Variants in MED12 observed in about 807,000 individuals in gnomAD.
MED12 encodes mediator complex subunit 12.
Under a neutral mutation model 177.7 loss-of-function variants are expected in MED12, and 10 were observed. The observed-to-expected ratio is 0.06, with a 90% CI of 0.03 to 0.10. The LOEUF (loss-of-function observed/expected upper bound fraction) is 0.10. Among genes scored for constraint, MED12 ranks in the 10% least tolerant of loss-of-function variants. The pLI, the probability that MED12 is intolerant of heterozygous loss-of-function variation, is 1.00. For missense variants in MED12, 867 were observed against 1,780.8 expected (o/e 0.49, Z 9.23); for synonymous variants, 641 against 678.4 (o/e 0.94, Z 0.86).
chrX:71,131,125 C>CTT (rs754896365), intron 28 of MED12, among the ~76,000 whole-genome samples: 2,084 of 80,144 alleles, frequency 0.026, 119 homozygotes, highest in African/African-American at 0.091. Context: ...TAAATGTAGT[C>CTT]TTTTTTTTTT....
At chrX:71,123,828 C>G (rs2092295995) in intron 12 of MED12, 108 bp downstream of exon 12, 12 of 867,856 alleles carry the variant, frequency 1.4e-5, no homozygotes, top group Non-Finnish European at 2.0e-5. Flanking sequence ...CTCTCTTGGG[C>G]TCTATGCAGA....
chrX:71,133,544 G>A (rs1475225286), intron 33 of MED12, among the ~76,000 whole-genome samples: 1 of 110,453 alleles, frequency 9.1e-6, no homozygotes, highest in Non-Finnish European at 1.9e-5. Context: ...ATGCTGGTCA[G>A]GCTGGTCTTG....
At chrX:71,134,896 G>C in intron 35 of MED12, 48 bp downstream of exon 35, 1 of 1,207,103 alleles carries the variant, frequency 8.3e-7, no homozygotes, top group Non-Finnish European at 1.1e-6. Flanking sequence ...GGAATCTGCT[G>C]TCCAGCCTCA....
chrX:71,132,059 T>G lies in MED12; in HGVS notation c.4120-14T>G. ...TACCTATTTTAGCACTTCTGTGCCTTTCATCCTCCCCAGGAGATGAACTCC... is the reference window on the plus strand; with the variant it reads ...TACCTATTTTAGCACTTCTGTGCCTGTCATCCTCCCCAGGAGATGAACTCC... On this transcript the variant is annotated splice_polypyrimidine_tract_variant and intron_variant, in intron 29 of 44. Transcript: ENST00000374080. The G allele has an allele frequency of 8.3e-7, 1 of 1,209,194 alleles. No individual in the cohort carries two copies. Among genetic ancestry groups the G allele is most frequent in the Non-Finnish European group, 1.1e-6 (1 of 893,204 alleles).
chrX:71,130,980 G>A (rs2092315361), intron 28 of MED12, among the ~76,000 whole-genome samples: 1 of 112,217 alleles, frequency 8.9e-6, no homozygotes, highest in Admixed American at 9.4e-5. Flanking sequence ...AGAGAAGCAG[G>A]CTTCAACTTT....
chrX:71,124,532 A>G lies in MED12; in HGVS notation c.1974+144A>G, dbSNP rs921093834. On this transcript the variant is annotated intron_variant, in intron 13 of 44. Coordinates refer to ENST00000374080, the MANE Select transcript of MED12 (RefSeq NM_005120.3). The stretch of plus-strand genomic sequence containing the variant: ...TTGGTGATTGACCAAGCACTCTCAC[A>G]TCAATTGTTTCATTGGTTCCTCCCA... The G allele has an allele frequency of 1.5e-5, 8 of 527,944 alleles. No individual in the cohort carries two copies. The East Asian group carries it at 2.2e-4, about 14-fold the overall frequency. The allele number at this position is 527,944 out of a possible 1,213,427, so 43.5% of individuals were successfully genotyped here. A position where few individuals can be genotyped will look rare whatever the true frequency, so the allele number is the denominator to read the frequency against.
chrX:71,126,535 C>T (rs2092303730), intron 19 of MED12, 51 bp downstream of exon 19: 1 of 1,190,485 alleles, frequency 8.4e-7, no homozygotes, highest in East Asian at 3.0e-5. Context: ...TGCCATATAG[C>T]GGCTACGGAG....
At position 71,133,168 on chromosome X, in the gene MED12, C is replaced by CCAAAGCATG. The variant is rs1482296163; in HGVS notation, c.4580_4581insTGCAAAGCA (p.Lys1526_Gln1527insHisAlaLys). 1 of 1,207,668 alleles carries CCAAAGCATG rather than the reference C, an allele frequency of 8.3e-7. No individual in the cohort carries two copies. The highest frequency in any genetic ancestry group is 1.1e-6 in the Non-Finnish European group (1 of 892,109). On this transcript the variant is annotated inframe_insertion, in exon 33 of 45. Transcript: ENST00000374080. ...TGACCAGTACTTAGATGATTGCAAA[C>CCAAAGCATG]CAAAGCAGCTTATGCATGAGGCACT...
At position 71,120,188 on chromosome X, in the gene MED12, C is replaced by T; in HGVS notation, c.553+18C>T. The T allele has an allele frequency of 8.3e-7, 1 of 1,203,905 alleles. No individual in the cohort carries two copies. The highest frequency in any genetic ancestry group is 1.1e-6 in the Non-Finnish European group (1 of 888,921). On this transcript the variant is annotated intron_variant, in intron 4 of 44. Coordinates refer to ENST00000374080, the MANE Select transcript of MED12 (RefSeq NM_005120.3). The stretch of plus-strand genomic sequence containing the variant: ...TTTCATGGGTGAGTAACTCCTAACA[C>T]CAGGTGTACTGCTGATGGCTTCAAG...
Position 71,119,891 on chromosome X carries a change from T to C in MED12, c.396+14T>C. The stretch of plus-strand genomic sequence containing the variant: ...CTAGCCAAAAAGGTAAGGTACTGTT[T>C]CCTGTCCTTCAGGCCAAGGAGGGAG... On this transcript the variant is annotated intron_variant, in intron 3 of 44. Transcript: ENST00000374080. 8.3e-7 allele frequency: 1 copy of C among 1,210,913 alleles called. No individual in the cohort carries two copies. Among genetic ancestry groups the C allele is most frequent in the Non-Finnish European group, 1.1e-6 (1 of 894,847 alleles).
chrX:71,137,458 C>T (rs924513211), intron 39 of MED12, 75 bp downstream of exon 39: 7 of 1,153,942 alleles, frequency 6.1e-6, no homozygotes, highest in Non-Finnish European at 8.3e-6. Context: ...ACGGAGGAGA[C>T]ACTTGGGATC....
At chrX:71,131,042 G>A (rs1031737494) in intron 28 of MED12, among the ~76,000 whole-genome samples, 1 of 112,141 alleles carries the variant, frequency 8.9e-6, no homozygotes, top group African/African-American at 3.2e-5. Context: ...TGATACGAAG[G>A]GATGGGAAAG....
chrX:71,127,675 C>T, intron 21 of MED12: 1 of 479,220 alleles, frequency 2.1e-6, no homozygotes, highest in Non-Finnish European at 3.6e-6. Flanking sequence ...GGGGCCCACC[C>T]TCTTCCCCCT....
rs2092328829 is a variant in MED12 at position 71,135,100 on chromosome X, G to A, written c.4872G>A (p.Leu1624=). The change falls in exon 36 of 45, where the codon TTG becomes TTA. Residue 1624 remains leucine (L), a synonymous_variant. Transcript: ENST00000374080. ...MNLAKKLQKE[L]GERQSDSLEK... is the part of the protein sequence containing the mutation. ...TCTTCCTGTGCCTGCAGAAGGAGTT[G>A]GGGGAGCGCCAGTCAGACAGTCTGG... The A allele has an allele frequency of 1.7e-6, 2 of 1,209,111 alleles. No homozygotes were observed. The highest frequency in any genetic ancestry group is 2.2e-6 in the Non-Finnish European group (2 of 895,012).
rs1253682531 is a variant in MED12, at chrX:71,132,069, C to G, written c.4120-4C>G. On this transcript the variant is annotated splice_polypyrimidine_tract_variant and splice_region_variant and intron_variant, in intron 29 of 44. Coordinates refer to ENST00000374080, the MANE Select transcript of MED12 (RefSeq NM_005120.3). Reference sequence around the variant, plus strand: ...AGCACTTCTGTGCCTTTCATCCTCCCCAGGAGATGAACTCCCTCTTGGAGA... The same window carrying G: ...AGCACTTCTGTGCCTTTCATCCTCCGCAGGAGATGAACTCCCTCTTGGAGA... The G allele has an allele frequency of 6.6e-6, 8 of 1,207,861 alleles. No individual in the cohort carries two copies. The highest frequency in any genetic ancestry group is 9.0e-6 in the Non-Finnish European group (8 of 893,314).
At chrX:71,137,676 C>T (rs1435561756) in intron 40 of MED12, 41 bp downstream of exon 40, 1 of 1,201,993 alleles carries the variant, frequency 8.3e-7, no homozygotes, top group African/African-American at 1.7e-5. Flanking sequence ...ATGAGGCAAG[C>T]TGCTCTGCAT....
At chrX:71,124,054 A>G in intron 12 of MED12, 105 bp from the exon 13 acceptor site, 1 of 702,901 alleles carries the variant, frequency 1.4e-6, no homozygotes, top group Non-Finnish European at 2.2e-6. Context: ...AATTTCTGGG[A>G]TTTCTATTTG....
rs752315853 is a variant in MED12 at position 71,127,840 on chromosome X, G to A, written c.2982-53G>A. On this transcript the variant is annotated intron_variant, in intron 21 of 44. Transcript: ENST00000374080. Reference sequence around the variant, plus strand: ...TTCTCCCCTTTCCTGACCATCCCTCGACCTCAGCAGGCCTTCTTCAACACT... The same window carrying A: ...TTCTCCCCTTTCCTGACCATCCCTCAACCTCAGCAGGCCTTCTTCAACACT... The A allele has an allele frequency of 6.3e-5, 59 of 939,302 alleles. No individual in the cohort carries two copies. The African/African-American group carries it at 7.0e-4, about 11-fold the overall frequency. The allele number at this position is 939,302 out of a possible 1,213,427, so 77.4% of individuals were successfully genotyped here.
intron 21 of MED12, 37 bp from the exon 22 acceptor site, chrX:71,127,855 TC>T: frequency 9.1e-7 from 1 of 1,093,285 alleles, no homozygotes; most frequent in Middle Eastern, 2.4e-4. Context: ...CAGCAGGCCT[TC>T]TTCAACACTA....
Sources: allele counts gnomAD v4.1 joint callset (sites outside exome capture counted in the v4.1 genomes callset), GRCh38; gene constraint gnomAD v4.1.1; transcripts MANE v1.5; gene names NCBI Gene and HGNC (gene_info 2026-07-23, HGNC 2026-07-21).